Variants in ZNF724 observed in about 807,000 individuals in gnomAD.
ZNF724 encodes zinc finger protein 724, also known as zinc finger protein 724 pseudogene.
Under a neutral mutation model 29.3 loss-of-function variants are expected in ZNF724, and 14 were observed. The observed-to-expected ratio is 0.48, with a 90% CI of 0.32 to 0.75. ZNF724 has a LOEUF of 0.75. Among genes scored for constraint, ZNF724 ranks in the 30% least tolerant of loss-of-function variants. ZNF724 has a pLI of 0.04. For synonymous variants in ZNF724, 180 were observed against 193.6 expected, an observed-to-expected ratio of 0.93 and a Z score of 0.58; for missense variants, 557 against 571.2, an observed-to-expected ratio of 0.98 and a Z score of 0.25.
chr19:23,246,199 GA>G (rs988609377), intron 1 of ZNF724, among the ~76,000 whole-genome samples: 2 of 151,746 alleles, frequency 1.3e-5, no homozygotes, highest in African/African-American at 2.4e-5. Context: ...TCATATAAAA[GA>G]AAAAAAATTT....
intron 1 of ZNF724, among the ~76,000 whole-genome samples, chr19:23,234,396 T>C (rs1971989550): frequency 6.6e-6 from 1 of 152,178 alleles, no homozygotes; most frequent in Non-Finnish European, 1.5e-5. Flanking sequence ...GTCAATTAAC[T>C]TTTCCACCAA....
At chr19:23,228,700 G>A (rs542930031) in intron 3 of ZNF724, among the ~76,000 whole-genome samples, 15 of 152,142 alleles carry the variant, frequency 9.9e-5, no homozygotes, top group South Asian at 8.3e-4. Context: ...AGGAGTTTGA[G>A]ACCAGCTGGC....
intron 1 of ZNF724, among the ~76,000 whole-genome samples, chr19:23,234,305 A>AG (rs1971987451): frequency 6.6e-6 from 1 of 152,244 alleles, no homozygotes; most frequent in Non-Finnish European, 1.5e-5. Context: ...AGAAGGCACA[A>AG]GTAAAGGGAT....
chr19:23,226,779 AAC>A (rs1035541487), intron 3 of ZNF724, among the ~76,000 whole-genome samples: 3 of 152,148 alleles, frequency 2.0e-5, no homozygotes, highest in Admixed American at 6.5e-5. Flanking sequence ...ATAAATAAAA[AAC>A]ACACACATAT....
Position 23,222,410 on chromosome 19 carries a change from T to C in ZNF724, c.1835A>G (p.His612Arg). ...TTATTTGTCAGATTTTTCTACAGCA[T>C]GAATTTTCTTGTGTGTAGTAAGGTT... The part of the protein sequence containing the change: ...CSNLTTHKKI[H>R]AVEKSDK Residue 612 changes from histidine (H) to arginine (R), a missense_variant, in exon 4 of 4, where the codon CAT (histidine) becomes CGT (arginine). Around this residue, in one of 3 missense-constraint regions of ZNF724, gnomAD observed 170 missense variants for 220.7 expected, o/e 0.77. Coordinates refer to ENST00000418100, the MANE Select transcript of ZNF724 (RefSeq NM_001355404.2). 1 of 1,187,584 alleles carries C rather than the reference T, an allele frequency of 8.4e-7. No homozygotes were observed. The highest frequency in any genetic ancestry group is 1.7e-5 in the Admixed American group (1 of 57,320). The allele number at this position is 1,187,584 out of a possible 1,614,324, so 73.6% of individuals were successfully genotyped here. A position where few individuals can be genotyped will look rare whatever the true frequency, so the allele number is the denominator to read the frequency against.
intron 1 of ZNF724, among the ~76,000 whole-genome samples, chr19:23,245,723 C>G (rs1972223432): frequency 6.6e-6 from 1 of 152,122 alleles, no homozygotes; most frequent in South Asian, 2.1e-4. Context: ...GAAAAAAACC[C>G]ACCCTTGTCT....
At chr19:23,240,273 G>A (rs1972096329) in intron 1 of ZNF724, among the ~76,000 whole-genome samples, 1 of 104,642 alleles carries the variant, frequency 9.6e-6, no homozygotes, top group Non-Finnish European at 2.0e-5. Context: ...AACAGAGCGA[G>A]ACTCTGTCAA....
chr19:23,240,220 G>A (rs1192443247), intron 1 of ZNF724, among the ~76,000 whole-genome samples: 1 of 150,386 alleles, frequency 6.6e-6, no homozygotes, highest in African/African-American at 2.5e-5. Context: ...GGAGGCTGAG[G>A]CAAGCCAATT....
intron 1 of ZNF724, among the ~76,000 whole-genome samples, chr19:23,233,222 T>C (rs1011105880): frequency 6.6e-6 from 1 of 152,228 alleles, no homozygotes. Flanking sequence ...TATCTTAAGA[T>C]ACAGGAATCT....
intron 1 of ZNF724, among the ~76,000 whole-genome samples, chr19:23,250,030 G>A (rs1175570412): frequency 5.3e-5 from 8 of 152,254 alleles, no homozygotes; most frequent in African/African-American, 1.7e-4. Flanking sequence ...ACAGTCACTG[G>A]GCGGGGAAGA....
At chr19:23,229,891 T>C (rs74613276) in intron 3 of ZNF724, among the ~76,000 whole-genome samples, 2,443 of 152,316 alleles carry the variant, frequency 0.016, 59 homozygotes, top group African/African-American at 0.055. Context: ...TGGAAGTATG[T>C]AGCAGAATAA....
At chr19:23,228,956 G>C (rs964463696) in intron 3 of ZNF724, among the ~76,000 whole-genome samples, 1 of 151,956 alleles carries the variant, frequency 6.6e-6, no homozygotes, top group South Asian at 2.1e-4. Context: ...CCCAGCTACT[G>C]GGGGGCTGAG....
intron 1 of ZNF724, among the ~76,000 whole-genome samples, chr19:23,237,724 A>AAAAG (rs1380528217): frequency 2.0e-5 from 3 of 151,328 alleles, no homozygotes; most frequent in Non-Finnish European, 4.4e-5. Flanking sequence ...TCTTAAAAAA[A>AAAAG]AAAAAAAAAG....
At chr19:23,237,803 T>A (rs909646612) in intron 1 of ZNF724, among the ~76,000 whole-genome samples, 1 of 152,126 alleles carries the variant, frequency 6.6e-6, no homozygotes, top group African/African-American at 2.4e-5. Context: ...CTAATTGTTT[T>A]GAAGCAGTAA....
At chr19:23,227,997 C>T (rs982757736) in intron 3 of ZNF724, among the ~76,000 whole-genome samples, 1 of 152,074 alleles carries the variant, frequency 6.6e-6, no homozygotes, top group African/African-American at 2.4e-5. Flanking sequence ...GTCAGGAATT[C>T]CTGACAAAAA....
At chr19:23,240,527 ATGCTTAAATG>A (rs1379343074) in intron 1 of ZNF724, among the ~76,000 whole-genome samples, 2 of 152,100 alleles carry the variant, frequency 1.3e-5, no homozygotes, top group Non-Finnish European at 2.9e-5. Flanking sequence ...GGAGTCACTG[ATGCTTAAATG>A]TGACATAATG....
At chr19:23,244,840 C>T (rs1403198690) in intron 1 of ZNF724, among the ~76,000 whole-genome samples, 2 of 152,040 alleles carry the variant, frequency 1.3e-5, no homozygotes, top group Non-Finnish European at 2.9e-5. Flanking sequence ...TTCAGGACTC[C>T]CATAAACTTG....
At position 23,250,384 on chromosome 19, in the gene ZNF724, G is replaced by A; in HGVS notation, c.-142C>T. On this transcript the variant is annotated 5_prime_UTR_variant, in exon 1 of 4. Transcript: ENST00000418100. The stretch of plus-strand genomic sequence containing the variant: ...AGACCAAGCGCTCCAGCTGCAGCGA[G>A]AGACAAAGGCCCCGCCAAATCCCGG... The A allele has an allele frequency of 4.4e-6, 2 of 457,238 alleles. No homozygotes were observed. Among genetic ancestry groups the A allele is most frequent in the Admixed American group, 5.4e-5 (2 of 37,370 alleles). 28.3% of individuals were successfully genotyped at this position (457,238 alleles called of 1,614,324 possible). A position where few individuals can be genotyped will look rare whatever the true frequency, so the allele number is the denominator to read the frequency against.
intron 3 of ZNF724, among the ~76,000 whole-genome samples, chr19:23,228,702 C>A (rs1971882705): frequency 6.6e-6 from 1 of 151,976 alleles, no homozygotes; most frequent in South Asian, 2.1e-4. Context: ...GAGTTTGAGA[C>A]CAGCTGGCCA....
Sources: gnomAD v4.1 joint callset for allele counts (sites outside exome capture counted in the v4.1 genomes callset) on GRCh38, gnomAD v4.1.1 for gene constraint, gnomAD v4.1.1 regional missense constraint, MANE v1.5 for transcripts, NCBI Gene and HGNC (gene_info 2026-07-23, HGNC 2026-07-21) for gene names.